Variants in OTOGL observed in about 807,000 individuals in gnomAD.
OTOGL encodes the protein otogelin-like protein.
A neutral mutation model predicts 318.5 loss-of-function variants in OTOGL; 285 were observed. The ratio of observed to expected loss-of-function variants is 0.89; its 90% CI spans 0.81 to 0.99. OTOGL has a LOEUF of 0.99. Ranked by LOEUF, OTOGL falls within the 50% of genes least tolerant of loss-of-function variation. The pLI is 0.00. For missense variants in OTOGL, 2,899 were observed against 2,845.6 expected (o/e 1.02, Z -0.43); for synonymous variants, 987 against 936.5 (o/e 1.05, Z -0.99).
rs942441931 is a variant in OTOGL, at chr12:80,251,623, C to T, written c.1053-70C>T. On this transcript the variant is annotated intron_variant, in intron 11 of 58. Coordinates refer to ENST00000547103, the MANE Select transcript of OTOGL (RefSeq NM_001378609.3). The stretch of plus-strand genomic sequence containing the variant: ...TCATGCACTCAGCATTTCTAGGGAT[C>T]AGGACCTCAATGGTATGGTTTCTGT... The T allele has an allele frequency of 5.8e-6, 7 of 1,215,192 alleles. No homozygotes were observed. In the African/African-American group the frequency reaches 9.1e-5, roughly 16 times the overall value. 75.3% of individuals were successfully genotyped at this position (1,215,192 alleles called of 1,614,324 possible). A position where few individuals can be genotyped will look rare whatever the true frequency, so the allele number is the denominator to read the frequency against.
intron 4 of OTOGL, among the ~76,000 whole-genome samples, chr12:80,217,077 T>A (rs1191153522): frequency 6.6e-6 from 1 of 152,198 alleles, no homozygotes; most frequent in Non-Finnish European, 1.5e-5. Context: ...GTGGATGTTT[T>A]CTTTACCGAT....
intron 52 of OTOGL, among the ~76,000 whole-genome samples, chr12:80,363,893 T>C (rs1026109689): frequency 1.3e-5 from 2 of 152,142 alleles, no homozygotes; most frequent in African/African-American, 4.8e-5. Flanking sequence ...CTTGGTCTGG[T>C]TGTGACCTTA....
At chr12:80,186,548 G>T (rs1318707713) in intron 1 of OTOGL, among the ~76,000 whole-genome samples, 1 of 152,078 alleles carries the variant, frequency 6.6e-6, no homozygotes, top group Non-Finnish European at 1.5e-5. Flanking sequence ...ACTTTGAGAG[G>T]CTCCTCACTG....
At chr12:80,147,210 C>A (rs1408049456) in intron 1 of OTOGL, among the ~76,000 whole-genome samples, 4 of 151,370 alleles carry the variant, frequency 2.6e-5, no homozygotes, top group Admixed American at 2.6e-4. Context: ...AAATTTCCCT[C>A]TACACACTGC....
intron 11 of OTOGL, among the ~76,000 whole-genome samples, chr12:80,241,471 T>C (rs888475791): frequency 2.6e-5 from 4 of 152,030 alleles, no homozygotes; most frequent in Admixed American, 6.6e-5. Context: ...TTGTTTTTTT[T>C]CTCTTTTTTA....
chr12:80,234,801 G>C (rs1879693293), intron 9 of OTOGL, among the ~76,000 whole-genome samples: 1 of 152,178 alleles, frequency 6.6e-6, no homozygotes, highest in African/African-American at 2.4e-5. Context: ...CTAGTAGCTA[G>C]AGTAGAGAGC....
At chr12:80,259,052 A>G (rs2137533840) in intron 18 of OTOGL, among the ~76,000 whole-genome samples, 1 of 152,130 alleles carries the variant, frequency 6.6e-6, no homozygotes, top group African/African-American at 2.4e-5. Context: ...TCGGAACATC[A>G]TGTTGTACTC....
chr12:80,207,823 C>A (rs1429430564), intron 1 of OTOGL, among the ~76,000 whole-genome samples: 1 of 152,112 alleles, frequency 6.6e-6, no homozygotes, highest in Non-Finnish European at 1.5e-5. Context: ...TTTGTAGTCA[C>A]ATATTCTTAA....
At chr12:80,358,940 A>G in intron 52 of OTOGL, 40 bp downstream of exon 52, 1 of 1,386,328 alleles carries the variant, frequency 7.2e-7, no homozygotes, top group Non-Finnish European at 9.7e-7. Context: ...ATATTTATTT[A>G]AATCTGTTTA....
chr12:80,334,272 A>T (rs1229945322), intron 38 of OTOGL, among the ~76,000 whole-genome samples: 1 of 152,180 alleles, frequency 6.6e-6, no homozygotes, highest in East Asian at 1.9e-4. Flanking sequence ...AGCAACAAAG[A>T]TTCTAAAACT....
chr12:80,212,537 C>T (rs1877346494), intron 4 of OTOGL, among the ~76,000 whole-genome samples: 1 of 151,972 alleles, frequency 6.6e-6, no homozygotes. Context: ...ACCTTCTTGC[C>T]CGGGTGCCTT....
At chr12:80,279,513 G>A (rs541553385) in intron 26 of OTOGL, among the ~76,000 whole-genome samples, 214 of 151,570 alleles carry the variant, frequency 1.4e-3, no homozygotes, top group South Asian at 2.7e-3. Flanking sequence ...TATACCCAAT[G>A]TTTAGCTCCC....
intron 26 of OTOGL, among the ~76,000 whole-genome samples, chr12:80,280,899 G>A (rs914882076): frequency 6.6e-6 from 1 of 151,778 alleles, no homozygotes; most frequent in Admixed American, 6.6e-5. Flanking sequence ...TTGTTGTAGA[G>A]ATCTTTCATT....
At position 80,310,778 on chromosome 12, in the gene OTOGL, C is replaced by T. The variant is rs114121463; in HGVS notation, c.3450+51C>T. ...CGAGTTTCAATATGTTCTACTGTGT[C>T]TATAATACTGAGGTGAACACGACAC... On this transcript the variant is annotated intron_variant, in intron 30 of 58. Coordinates refer to ENST00000547103, the MANE Select transcript of OTOGL (RefSeq NM_001378609.3). The T allele has an allele frequency of 5.0e-4, 701 of 1,408,570 alleles. 2 individuals are homozygous for T. The African/African-American group carries it at 9.3e-3, about 19-fold the overall frequency. 87.3% of individuals were successfully genotyped at this position (1,408,570 alleles called of 1,614,324 possible). A position where few individuals can be genotyped will look rare whatever the true frequency, so the allele number is the denominator to read the frequency against.
At chr12:80,234,012 G>A (rs1047318678) in intron 9 of OTOGL, among the ~76,000 whole-genome samples, 10 of 152,130 alleles carry the variant, frequency 6.6e-5, no homozygotes, top group African/African-American at 2.4e-4. Context: ...ACAACATCCT[G>A]TAAGGTGAGT....
At chr12:80,123,496 G>T (rs558011193) in intron 1 of OTOGL, among the ~76,000 whole-genome samples, 2 of 152,174 alleles carry the variant, frequency 1.3e-5, no homozygotes, top group South Asian at 4.1e-4. Flanking sequence ...ATAAACATAC[G>T]TGTGCATGTG....
In OTOGL at chr12:80,337,080, G is replaced by A. The variant is rs1029507121; in HGVS notation, c.4860+76G>A. The stretch of plus-strand genomic sequence containing the variant: ...TACAAACAGTTATTTCCAATAAGAG[G>A]GAAAATTAAGCATATCAATGGAATT... On this transcript the variant is annotated intron_variant, in intron 42 of 58. Transcript: ENST00000547103. 175 of 1,095,950 alleles carry A rather than the reference G, an allele frequency of 1.6e-4. 2 individuals carry two copies. In the East Asian group the frequency reaches 4.5e-3, roughly 28 times the overall value. 67.9% of individuals were successfully genotyped at this position (1,095,950 alleles called of 1,614,324 possible).
At chr12:80,147,838 T>C (rs1872506880) in intron 1 of OTOGL, among the ~76,000 whole-genome samples, 1 of 152,322 alleles carries the variant, frequency 6.6e-6, no homozygotes, top group East Asian at 1.9e-4. Context: ...TTGATCTTTA[T>C]TGGTTTAAAG....
chr12:80,106,165 G>A (rs1176983907), intron 1 of OTOGL, among the ~76,000 whole-genome samples: 1 of 152,162 alleles, frequency 6.6e-6, no homozygotes, highest in African/African-American at 2.4e-5. Context: ...TTACCATTTG[G>A]TATTTGTGCG....
Sources: gnomAD v4.1 joint callset for allele counts (sites outside exome capture counted in the v4.1 genomes callset) on GRCh38, gnomAD v4.1.1 for gene constraint, MANE v1.5 for transcripts, NCBI Gene and HGNC (gene_info 2026-07-23, HGNC 2026-07-21) for gene names.